ETV6: variants seen among roughly 807,000 people sequenced by gnomAD.
ETV6 encodes the protein ETS variant transcription factor 6, also known as transcription factor ETV6.
A neutral mutation model predicts 51.1 loss-of-function variants in ETV6; 16 were observed. The ratio of observed to expected loss-of-function variants is 0.31; its 90% CI spans 0.21 to 0.48. The LOEUF is 0.48. Among genes scored for constraint, ETV6 ranks in the 20% least tolerant of loss-of-function variants. ETV6 has a pLI of 0.99. For synonymous variants in ETV6, 240 were observed against 224.1 expected (o/e 1.07, Z -0.64); for missense variants, 458 against 594.8 (o/e 0.77, Z 2.39).
chr12:11,888,788 A>C (rs1174527707), intron 7 of ETV6, among the ~76,000 whole-genome samples: 1 of 152,130 alleles, frequency 6.6e-6, no homozygotes, highest in African/African-American at 2.4e-5. Flanking sequence ...CTGAAGCCTC[A>C]AACTCTGGGC....
chr12:11,668,227 T>C (rs1864232682), intron 1 of ETV6, among the ~76,000 whole-genome samples: 1 of 152,220 alleles, frequency 6.6e-6, no homozygotes, highest in Non-Finnish European at 1.5e-5. Context: ...GGAGAAAATT[T>C]CATGAGCCTT....
At chr12:11,817,685 C>G (rs1173366498) in intron 2 of ETV6, among the ~76,000 whole-genome samples, 1 of 152,180 alleles carries the variant, frequency 6.6e-6, no homozygotes, top group African/African-American at 2.4e-5. Flanking sequence ...ACACACAGCA[C>G]CCCGAGGCCT....
At chr12:11,672,390 A>G (rs1388129342) in intron 1 of ETV6, among the ~76,000 whole-genome samples, 1 of 152,234 alleles carries the variant, frequency 6.6e-6, no homozygotes, top group Non-Finnish European at 1.5e-5. Flanking sequence ...ATGGTAGGCA[A>G]TTGAAACAGA....
At chr12:11,795,827 G>A (rs1945667779) in intron 2 of ETV6, among the ~76,000 whole-genome samples, 1 of 152,202 alleles carries the variant, frequency 6.6e-6, no homozygotes, top group Non-Finnish European at 1.5e-5. Context: ...ATGGGGTTAA[G>A]AATAGTGTCC....
rs1352564497 is a variant in ETV6, at chr12:11,891,078, A to G, written c.*32A>G. 1 of 1,552,776 alleles carries G rather than the reference A, an allele frequency of 6.4e-7. No homozygotes were observed. ...CAACAGTCCACCTCAGCGGGCCAGC[A>G]GCCCAGGGAACCCCTGCCCACCAGG... On this transcript the variant is annotated 3_prime_UTR_variant, in exon 8 of 8. Coordinates refer to ENST00000396373, the MANE Select transcript of ETV6 (RefSeq NM_001987.5).
Position 11,866,317 on chromosome 12 carries a change from G to C in ETV6, c.464-3107G>C, listed in dbSNP as rs1395946261. 2.0e-5 allele frequency among the ~76,000 whole-genome samples: 3 copies of C among 151,772 alleles called. No individual in the cohort carries two copies. In the East Asian group the frequency reaches 5.8e-4, roughly 29 times the overall value. ...TAGCTGCTGTAAAGTTTTTCTGTTT[G>C]TTTGTGTTAACTCCAACATCTGCAT... On this transcript the variant is annotated intron_variant, in intron 4 of 7. Transcript: ENST00000396373.
At chr12:11,858,389 T>TAA (rs1262883518) in intron 4 of ETV6, among the ~76,000 whole-genome samples, 2 of 117,626 alleles carry the variant, frequency 1.7e-5, no homozygotes, top group Non-Finnish European at 4.3e-5. Context: ...TTTATCCCCT[T>TAA]AAATATATAT....
At chr12:11,798,627 G>T (rs181207111) in intron 2 of ETV6, among the ~76,000 whole-genome samples, 21 of 152,142 alleles carry the variant, frequency 1.4e-4, no homozygotes, top group Non-Finnish European at 2.9e-4. Context: ...AGAAACAGCA[G>T]AAAAAATGTA....
At chr12:11,802,751 C>T (rs2136405307) in intron 2 of ETV6, among the ~76,000 whole-genome samples, 2 of 152,308 alleles carry the variant, frequency 1.3e-5, no homozygotes, top group South Asian at 4.1e-4. Context: ...AAGATAATTA[C>T]TCCTAAATCA....
intron 3 of ETV6, 148 bp downstream of exon 3, chr12:11,839,452 T>A: frequency 2.4e-6 from 2 of 824,006 alleles, no homozygotes; most frequent in Non-Finnish European, 3.8e-6. Flanking sequence ...GAAGGAAGAT[T>A]ATGCTAGCAT....
At chr12:11,717,925 C>T (rs994927311) in intron 1 of ETV6, among the ~76,000 whole-genome samples, 1 of 152,148 alleles carries the variant, frequency 6.6e-6, no homozygotes, top group Non-Finnish European at 1.5e-5. Context: ...AATTAACAGC[C>T]TGGAAGTGGA....
chr12:11,804,544 G>C (rs1304903646), intron 2 of ETV6, among the ~76,000 whole-genome samples: 1 of 152,174 alleles, frequency 6.6e-6, no homozygotes, highest in Non-Finnish European at 1.5e-5. Flanking sequence ...TTCTGCCTAT[G>C]AAGCTGTTTC....
intron 2 of ETV6, among the ~76,000 whole-genome samples, chr12:11,779,508 C>T (rs780442534): frequency 6.6e-6 from 1 of 152,130 alleles, no homozygotes; most frequent in African/African-American, 2.4e-5. Flanking sequence ...GCCTCCATAC[C>T]GAGGCCCACT....
chr12:11,673,372 T>TA (rs1864356701), intron 1 of ETV6, among the ~76,000 whole-genome samples: 1 of 152,178 alleles, frequency 6.6e-6, no homozygotes, highest in Admixed American at 6.5e-5. Context: ...GAAGGGCTCA[T>TA]ACTACAAATC....
Position 11,812,223 on chromosome 12 carries a change from C to G in ETV6, c.164-26917C>G, listed in dbSNP as rs73052042. Among the ~76,000 whole-genome samples, 747 of 152,316 alleles carry G rather than the reference C, an allele frequency of 4.9e-3. 12 individuals are homozygous for G. The highest frequency in any genetic ancestry group is 4.2e-3 in the Non-Finnish European group (283 of 68,032). On this transcript the variant is annotated intron_variant, in intron 2 of 7. Coordinates refer to ENST00000396373, the MANE Select transcript of ETV6 (RefSeq NM_001987.5). ...AAATTGACCGCGTGCACACTCTTCACTGGAGTTTTGCACAAATCTTACCAG... is the reference window on the plus strand; with the variant it reads ...AAATTGACCGCGTGCACACTCTTCAGTGGAGTTTTGCACAAATCTTACCAG...
chr12:11,818,517 G>A (rs2855734), intron 2 of ETV6, among the ~76,000 whole-genome samples: 41,402 of 145,130 alleles, frequency 0.29, 5,968 homozygotes, highest in East Asian at 0.42. Flanking sequence ...GACAGAGCGA[G>A]AGAGACTCTG....
chr12:11,763,053 C>G (rs967194826), intron 2 of ETV6, among the ~76,000 whole-genome samples: 1 of 152,138 alleles, frequency 6.6e-6, no homozygotes, highest in Non-Finnish European at 1.5e-5. Context: ...ACCTGTTATT[C>G]GGATGGGTTG....
At chr12:11,712,169 A>C (rs1028475370) in intron 1 of ETV6, among the ~76,000 whole-genome samples, 9 of 152,238 alleles carry the variant, frequency 5.9e-5, no homozygotes, top group African/African-American at 2.2e-4. Flanking sequence ...TCAGAGATCA[A>C]AAAGACAGTC....
chr12:11,836,922 C>G (rs1333458449), intron 2 of ETV6, among the ~76,000 whole-genome samples: 1 of 152,216 alleles, frequency 6.6e-6, no homozygotes, highest in Admixed American at 6.5e-5. Flanking sequence ...TCACATGTGT[C>G]CCCTAATGGG....
Sources: gnomAD v4.1 joint callset for allele counts (sites outside exome capture counted in the v4.1 genomes callset) on GRCh38, gnomAD v4.1.1 for gene constraint, MANE v1.5 for transcripts, NCBI Gene and HGNC (gene_info 2026-07-23, HGNC 2026-07-21) for gene names.